Variants in ABI2 observed in about 807,000 individuals in gnomAD.
ABI2 encodes abl interactor 2.
In ABI2, 25 loss-of-function variants were observed where a neutral mutation model predicts 59.2. The ratio of observed to expected loss-of-function variants is 0.42; its 90% confidence interval spans 0.31 to 0.59. The LOEUF is 0.59. ABI2 is among the 20% of genes least tolerant of loss of function. The probability of loss-of-function intolerance (pLI) is 0.14; values close to 1 mark genes in which losing one functional copy is unlikely to be tolerated. For missense variants in ABI2, 545 were observed against 681.8 expected (o/e 0.80, Z 2.23); for synonymous variants, 213 against 235.5 (o/e 0.90, Z 0.87).
intron 8 of ABI2, among the ~76,000 whole-genome samples, chr2:203,400,208 C>T (rs1255280666): frequency 2.0e-5 from 3 of 150,620 alleles, no homozygotes; most frequent in African/African-American, 4.9e-5. Context: ...CTGCCGTAGC[C>T]TCCTGAGGAG....
intron 4 of ABI2, among the ~76,000 whole-genome samples, chr2:203,389,476 A>G (rs1039602534): frequency 6.6e-6 from 1 of 152,212 alleles, no homozygotes; most frequent in African/African-American, 2.4e-5. Context: ...AAAAAATTCC[A>G]CTTAAGCCAG....
chr2:203,358,074 TG>T (rs2092637932), intron 1 of ABI2, among the ~76,000 whole-genome samples: 1 of 39,422 alleles, frequency 2.5e-5, no homozygotes, highest in Non-Finnish European at 6.9e-5. Flanking sequence ...GGCCTGTTTG[TG>T]TGTGTGTGTG....
intron 1 of ABI2, among the ~76,000 whole-genome samples, chr2:203,364,566 T>C (rs2152963978): frequency 6.6e-6 from 1 of 152,270 alleles, no homozygotes; most frequent in South Asian, 2.1e-4. Context: ...GAAAAGACCC[T>C]TGAGCCCCAA....
intron 4 of ABI2, among the ~76,000 whole-genome samples, chr2:203,382,968 C>T (rs568818632): frequency 1.3e-5 from 2 of 152,114 alleles, no homozygotes; most frequent in African/African-American, 2.4e-5. Flanking sequence ...GTTTTGGTAT[C>T]GTGGAGGATT....
chr2:203,378,789 A>G (rs2095890929), intron 2 of ABI2, among the ~76,000 whole-genome samples: 1 of 152,186 alleles, frequency 6.6e-6, no homozygotes, highest in South Asian at 2.1e-4. Flanking sequence ...AATTGGTGGT[A>G]AGAGATGTGA....
chr2:203,372,135 C>G (rs1039786682), intron 2 of ABI2, among the ~76,000 whole-genome samples: 3 of 151,750 alleles, frequency 2.0e-5, no homozygotes, highest in Non-Finnish European at 4.4e-5. Flanking sequence ...TGACTCTTAA[C>G]GAGCATGCTG....
At chr2:203,377,750 A>G (rs1027034649) in intron 2 of ABI2, among the ~76,000 whole-genome samples, 13 of 152,216 alleles carry the variant, frequency 8.5e-5, no homozygotes, top group Non-Finnish European at 1.5e-4. Flanking sequence ...TACAGACAGT[A>G]GAGAAATTAG....
intron 1 of ABI2, among the ~76,000 whole-genome samples, chr2:203,346,985 T>C (rs1482649627): frequency 2.0e-5 from 3 of 152,230 alleles, no homozygotes; most frequent in Non-Finnish European, 4.4e-5. Context: ...CTTGAATTTG[T>C]TTTAATTTTG....
intron 4 of ABI2, among the ~76,000 whole-genome samples, chr2:203,384,290 G>GTTTTTGTTTTTGTT (rs2096329612): frequency 1.1e-4 from 3 of 26,106 alleles, no homozygotes; most frequent in African/African-American, 3.2e-4. Context: ...TTTTGTTTTT[G>GTTTTTGTTTTTGTT]TTTTTTTTTT....
In ABI2 at chr2:203,342,079, T is replaced by G. The variant is rs551977582; in HGVS notation, c.117+13448T>G. On this transcript the variant is annotated intron_variant, in intron 1 of 11. Coordinates refer to ENST00000261018, the MANE Select transcript of ABI2 (RefSeq NM_001375670.1). ...AGAGGAATTATGTTCATTTTTTTTT[T>G]GCCTGTTATGTCCTCATTTCTTAGT... is the stretch of plus-strand genomic sequence containing the variant. The G allele has an allele frequency of 4.2e-5, 15 of 360,100 alleles. No individual in the cohort carries two copies. The East Asian group carries it at 1.1e-3, about 26-fold the overall frequency. The allele number at this position is 360,100 out of a possible 1,614,324, so 22.3% of individuals were successfully genotyped here.
intron 10 of ABI2, among the ~76,000 whole-genome samples, chr2:203,411,715 T>C (rs986088156): frequency 5.3e-5 from 8 of 152,290 alleles, no homozygotes; most frequent in South Asian, 2.1e-4. Flanking sequence ...ATGGGTATTA[T>C]AGGTGGTCTG....
intron 3 of ABI2, among the ~76,000 whole-genome samples, chr2:203,380,651 C>T (rs935136736): frequency 1.1e-4 from 16 of 151,914 alleles, no homozygotes; most frequent in African/African-American, 3.4e-4. Context: ...AAATAAGTGT[C>T]GTGTAATCTT....
At chr2:203,418,852 C>G (rs2098038160) in intron 11 of ABI2, among the ~76,000 whole-genome samples, 1 of 152,086 alleles carries the variant, frequency 6.6e-6, no homozygotes. Flanking sequence ...CAATAAACCC[C>G]AAATAGAAGA....
intron 11 of ABI2, among the ~76,000 whole-genome samples, chr2:203,421,704 C>T (rs767348651): frequency 5.3e-5 from 8 of 152,034 alleles, no homozygotes; most frequent in Non-Finnish European, 8.8e-5. Context: ...TGGTGGCTCA[C>T]GCCTGTAATC....
At chr2:203,332,409 G>A (rs746004145) in intron 1 of ABI2, among the ~76,000 whole-genome samples, 4 of 152,068 alleles carry the variant, frequency 2.6e-5, no homozygotes, top group South Asian at 2.1e-4. Flanking sequence ...GGCACATCAC[G>A]AGATCAGGAG....
chr2:203,394,864 G>A lies in ABI2; in HGVS notation c.725+18G>A. 1.2e-6 allele frequency: 2 copies of A among 1,612,888 alleles called. No individual in the cohort carries two copies. Among genetic ancestry groups the A allele is most frequent in the Admixed American group, 1.7e-5 (1 of 59,982 alleles). On this transcript the variant is annotated intron_variant, in intron 6 of 11. Coordinates refer to ENST00000261018, the MANE Select transcript of ABI2 (RefSeq NM_001375670.1). ...ACTTACAGGTATTTTCTCTACCTCA[G>A]TGCAAAATGTGATGGTCATAGTACC...
chr2:203,380,897 G>A (rs2096076124), intron 3 of ABI2, among the ~76,000 whole-genome samples: 1 of 152,180 alleles, frequency 6.6e-6, no homozygotes, highest in South Asian at 2.1e-4. Flanking sequence ...TTTTGAGTGT[G>A]TAGCTATTAC....
intron 11 of ABI2, among the ~76,000 whole-genome samples, chr2:203,423,029 G>A (rs747957583): frequency 3.3e-4 from 51 of 152,268 alleles, no homozygotes; most frequent in Non-Finnish European, 6.3e-4. Context: ...CTAGCATTTT[G>A]ATTTTTCCAG....
chr2:203,385,504 A>T (rs2096464830), intron 4 of ABI2, among the ~76,000 whole-genome samples: 1 of 152,172 alleles, frequency 6.6e-6, no homozygotes, highest in East Asian at 1.9e-4. Flanking sequence ...ACTTTTAAAA[A>T]TTTTGCTTAA....
Sources: gnomAD v4.1 joint callset for allele counts (sites outside exome capture counted in the v4.1 genomes callset) on GRCh38, gnomAD v4.1.1 for gene constraint, MANE v1.5 for transcripts, NCBI Gene and HGNC (gene_info 2026-07-23, HGNC 2026-07-21) for gene names.